FGF7: variants seen among roughly 807,000 people sequenced by gnomAD.
FGF7 encodes the protein FGF-7.
A neutral mutation model predicts 20.5 loss-of-function variants in FGF7; 6 were observed. The observed-to-expected ratio is 0.29, with a 90% CI of 0.16 to 0.58. FGF7 has a LOEUF of 0.58. FGF7 is among the 20% of genes least tolerant of loss of function. FGF7 has a pLI of 0.90. For synonymous variants in FGF7, 64 were observed against 74.7 expected, an observed-to-expected ratio of 0.86 and a Z score of 0.74; for missense variants, 144 against 228.8, an observed-to-expected ratio of 0.63 and a Z score of 2.39.
intron 2 of FGF7, among the ~76,000 whole-genome samples, chr15:49,452,381 T>A (rs1401469568): frequency 1.3e-5 from 2 of 152,146 alleles, no homozygotes; most frequent in Admixed American, 6.6e-5. Context: ...GCCAGTTACC[T>A]TACTATTTCA....
At chr15:49,447,129 G>A (rs1223935717) in intron 2 of FGF7, among the ~76,000 whole-genome samples, 1 of 151,596 alleles carries the variant, frequency 6.6e-6, no homozygotes, top group African/African-American at 2.4e-5. Flanking sequence ...TTCCTACACT[G>A]ATATAAGGCT....
At chr15:49,451,619 G>A (rs892411397) in intron 2 of FGF7, among the ~76,000 whole-genome samples, 29 of 151,800 alleles carry the variant, frequency 1.9e-4, no homozygotes, top group African/African-American at 6.8e-4. Context: ...CACATTCATT[G>A]ACCTTGATAA....
At chr15:49,461,125 T>A (rs796984974) in intron 2 of FGF7, among the ~76,000 whole-genome samples, 1 of 152,208 alleles carries the variant, frequency 6.6e-6, no homozygotes, top group Non-Finnish European at 1.5e-5. Flanking sequence ...TCCATCCTGA[T>A]GAACTTCTTC....
chr15:49,444,537 T>G (rs1380416027), intron 2 of FGF7, among the ~76,000 whole-genome samples: 1 of 151,706 alleles, frequency 6.6e-6, no homozygotes, highest in African/African-American at 2.4e-5. Flanking sequence ...TGGGTCTAAT[T>G]ACATTCAGTT....
intron 2 of FGF7, among the ~76,000 whole-genome samples, chr15:49,444,454 A>C (rs764024335): frequency 4.0e-5 from 6 of 151,806 alleles, no homozygotes; most frequent in Non-Finnish European, 7.4e-5. Flanking sequence ...AAACTTTTTT[A>C]GGATAAAAAG....
intron 2 of FGF7, among the ~76,000 whole-genome samples, chr15:49,465,699 A>G (rs1224390249): frequency 6.6e-6 from 1 of 152,224 alleles, no homozygotes; most frequent in East Asian, 1.9e-4. Context: ...TATTTAAATT[A>G]ACCAAGGAAT....
At position 49,424,016 on chromosome 15, in the gene FGF7, C is replaced by T. The variant is rs1338155973; in HGVS notation, c.-266-16C>T. 6.4e-6 allele frequency: 2 copies of T among 314,156 alleles called. No homozygotes were observed. The highest frequency in any genetic ancestry group is 2.1e-5 in the African/African-American group (1 of 47,190). 19.5% of individuals were successfully genotyped at this position (314,156 alleles called of 1,614,324 possible). A position where few individuals can be genotyped will look rare whatever the true frequency, so the allele number is the denominator to read the frequency against. Reference sequence around the variant, plus strand: ...CTCTCCTCCCCTCCCTATTCTTAATCTCTCATTGCAAACAGAAGTCAAATA... The same window carrying T: ...CTCTCCTCCCCTCCCTATTCTTAATTTCTCATTGCAAACAGAAGTCAAATA... On this transcript the variant is annotated splice_polypyrimidine_tract_variant and intron_variant, in intron 1 of 3. Coordinates refer to ENST00000267843, the MANE Select transcript of FGF7 (RefSeq NM_002009.4).
At chr15:49,432,527 G>A (rs2050708802) in intron 2 of FGF7, among the ~76,000 whole-genome samples, 1 of 151,646 alleles carries the variant, frequency 6.6e-6, no homozygotes, top group African/African-American at 2.4e-5. Flanking sequence ...CTTAGTCCCT[G>A]GTTTGGGTGG....
At chr15:49,453,352 C>T (rs2052955554) in intron 2 of FGF7, among the ~76,000 whole-genome samples, 1 of 152,134 alleles carries the variant, frequency 6.6e-6, no homozygotes, top group Admixed American at 6.6e-5. Context: ...CATTTGCTCA[C>T]CTCCGCCTCC....
At chr15:49,477,618 C>T (rs770869179) in intron 2 of FGF7, among the ~76,000 whole-genome samples, 5 of 152,066 alleles carry the variant, frequency 3.3e-5, no homozygotes, top group African/African-American at 7.2e-5. Context: ...TTTGATGATA[C>T]GAATAAAGCT....
intron 2 of FGF7, among the ~76,000 whole-genome samples, chr15:49,476,198 C>T (rs1288204675): frequency 1.9e-5 from 2 of 107,070 alleles, no homozygotes; most frequent in Admixed American, 9.4e-5. Flanking sequence ...TTCTGAATTC[C>T]TATTTATTTT....
At position 49,449,557 on chromosome 15, in the gene FGF7, G is replaced by A. The variant is rs78546262; in HGVS notation, c.286+24974G>A. On this transcript the variant is annotated intron_variant, in intron 2 of 3. Coordinates refer to ENST00000267843, the MANE Select transcript of FGF7 (RefSeq NM_002009.4). ...CACAGGGTGGGGCCAGAATCAGCAA[G>A]ATTACTGCCTCCTTGGCAACCTTAT... Among the ~76,000 whole-genome samples the A allele has an allele frequency of 1.6e-3, 236 of 152,052 alleles. 7 individuals carry two copies. The East Asian group carries it at 0.04, about 26-fold the overall frequency.
At chr15:49,459,484 A>AT (rs1346217385) in intron 2 of FGF7, among the ~76,000 whole-genome samples, 1 of 151,912 alleles carries the variant, frequency 6.6e-6, no homozygotes, top group African/African-American at 2.4e-5. Flanking sequence ...GTGAAAAGAG[A>AT]TTTTTTAAAT....
At chr15:49,444,743 T>C (rs2052021563) in intron 2 of FGF7, among the ~76,000 whole-genome samples, 1 of 151,686 alleles carries the variant, frequency 6.6e-6, no homozygotes, top group Non-Finnish European at 1.5e-5. Context: ...AAATTGCAAA[T>C]ATCTCCAGCT....
chr15:49,480,151 C>A (rs1215251880), intron 2 of FGF7, among the ~76,000 whole-genome samples: 1 of 152,116 alleles, frequency 6.6e-6, no homozygotes, highest in African/African-American at 2.4e-5. Flanking sequence ...GTTGATTTCC[C>A]AGTGTTAATG....
intron 2 of FGF7, among the ~76,000 whole-genome samples, chr15:49,453,904 C>T (rs1425269355): frequency 1.3e-5 from 2 of 152,092 alleles, no homozygotes; most frequent in African/African-American, 4.8e-5. Flanking sequence ...AAAGTGGAAG[C>T]CTTGCATTCC....
At chr15:49,456,159 G>GT (rs1468720567) in intron 2 of FGF7, among the ~76,000 whole-genome samples, 3 of 151,814 alleles carry the variant, frequency 2.0e-5, no homozygotes, top group Non-Finnish European at 4.4e-5. Flanking sequence ...ATTTTTTTCA[G>GT]TTTTTTTCCA....
chr15:49,480,894 A>AT (rs2055885468), intron 2 of FGF7, among the ~76,000 whole-genome samples: 1 of 152,184 alleles, frequency 6.6e-6, no homozygotes, highest in Non-Finnish European at 1.5e-5. Flanking sequence ...CTGGACCAAA[A>AT]AGGGAAGATG....
rs2056458180 is a variant in FGF7 at position 49,487,091 on chromosome 15, T to A, written c.*2587T>A. Reference sequence around the variant, plus strand: ...TTCTGTTGAGATATAGCCTTTACATTTGTACACAAATGTGACTATGTCTTG... The same window carrying A: ...TTCTGTTGAGATATAGCCTTTACATATGTACACAAATGTGACTATGTCTTG... On this transcript the variant is annotated 3_prime_UTR_variant, in exon 4 of 4. Coordinates refer to ENST00000267843, the MANE Select transcript of FGF7 (RefSeq NM_002009.4). 6.6e-6 allele frequency: 1 copy of A among 151,932 alleles called. No homozygotes were observed. 9.4% of individuals were successfully genotyped at this position (151,932 alleles called of 1,614,324 possible).
Sources: gnomAD v4.1 joint callset for allele counts (sites outside exome capture counted in the v4.1 genomes callset) on GRCh38, gnomAD v4.1.1 for gene constraint, MANE v1.5 for transcripts, NCBI Gene and HGNC (gene_info 2026-07-23, HGNC 2026-07-21) for gene names.